The following RANBP17 variants were observed in gnomAD, a reference collection of about 807,000 sequenced individuals.
The protein encoded by RANBP17 is RAN binding protein 17.
A neutral mutation model predicts 141.2 loss-of-function variants in RANBP17; 158 were observed. The ratio of observed to expected loss-of-function variants is 1.12; its 90% CI spans 0.98 to 1.28. RANBP17 has a LOEUF of 1.28. RANBP17 is among the 50% of genes most tolerant of loss of function. The pLI is 0.00. For synonymous variants in RANBP17, 430 were observed against 450.0 expected, an observed-to-expected ratio of 0.96 and a Z score of 0.56; for missense variants, 1,438 against 1,290.7, an observed-to-expected ratio of 1.11 and a Z score of -1.75.
At chr5:171,014,243 A>G (rs1380574046) in intron 14 of RANBP17, among the ~76,000 whole-genome samples, 1 of 151,900 alleles carries the variant, frequency 6.6e-6, no homozygotes, top group African/African-American at 2.4e-5. Context: ...TAGGCAGCAT[A>G]TGATTCAGCC....
intron 22 of RANBP17, among the ~76,000 whole-genome samples, chr5:171,234,331 C>T (rs1764399401): frequency 6.6e-6 from 1 of 152,088 alleles, no homozygotes; most frequent in South Asian, 2.1e-4. Context: ...AGAGTAGTAA[C>T]AAGAACAGTA....
In RANBP17 at chr5:171,241,130, C is replaced by T. The variant is rs1372254667; in HGVS notation, c.2625C>T (p.His875=). 6 of 1,611,958 alleles carry T rather than the reference C, an allele frequency of 3.7e-6. No individual in the cohort carries two copies. Among genetic ancestry groups the T allele is most frequent in the African/African-American group, 1.3e-5 (1 of 74,850 alleles). The change falls in exon 23 of 28, where the codon CAC becomes CAT. Residue 875 remains histidine (H), a synonymous_variant. Transcript: ENST00000523189. ...AFVKMLLSVS[H]SDLLQYRKLS... ...TCAAAATGCTGCTGTCAGTGTCCCA[C>T]AGTGACTTGCTAGTAAGCAATCATG...
At chr5:171,090,916 C>T (rs1786209686) in intron 14 of RANBP17, among the ~76,000 whole-genome samples, 1 of 152,172 alleles carries the variant, frequency 6.6e-6, no homozygotes, top group Admixed American at 6.5e-5. Context: ...TCTGGATGCC[C>T]AGGTAAAATT....
intron 18 of RANBP17, among the ~76,000 whole-genome samples, chr5:171,185,028 G>A (rs1044154722): frequency 1.6e-4 from 25 of 151,992 alleles, no homozygotes; most frequent in Non-Finnish European, 2.9e-5. Context: ...CAGGCATGGT[G>A]GCAAATACCT....
At chr5:171,129,064 GTC>G (rs1033225465) in intron 14 of RANBP17, among the ~76,000 whole-genome samples, 3 of 152,042 alleles carry the variant, frequency 2.0e-5, no homozygotes, top group South Asian at 2.1e-4. Context: ...ACTCTATCCT[GTC>G]TCTCTCCCCA....
At chr5:170,962,488 A>G (rs1357328673) in intron 13 of RANBP17, among the ~76,000 whole-genome samples, 3 of 152,248 alleles carry the variant, frequency 2.0e-5, no homozygotes, top group East Asian at 1.9e-4. Flanking sequence ...GGGAGATCCT[A>G]TGCAATGAAG....
At chr5:170,877,691 TAATGCTTTGAGATG>T (rs1768304070) in intron 1 of RANBP17, among the ~76,000 whole-genome samples, 1 of 152,214 alleles carries the variant, frequency 6.6e-6, no homozygotes, top group African/African-American at 2.4e-5. Context: ...CACTGACCTT[TAATGCTTTGAGATG>T]ACTAAATTCC....
intron 5 of RANBP17, 200 bp downstream of exon 5, chr5:170,896,315 G>T: frequency 1.8e-6 from 1 of 552,108 alleles, no homozygotes; most frequent in Non-Finnish European, 3.2e-6. Context: ...GAAGATATCT[G>T]CAATAGTACA....
chr5:171,109,013 C>T (rs1755038461), intron 14 of RANBP17, among the ~76,000 whole-genome samples: 1 of 152,174 alleles, frequency 6.6e-6, no homozygotes, highest in Non-Finnish European at 1.5e-5. Context: ...CAGGTATACA[C>T]ATCACTGGTA....
intron 14 of RANBP17, among the ~76,000 whole-genome samples, chr5:171,063,779 A>G (rs2127678450): frequency 6.6e-6 from 1 of 152,326 alleles, no homozygotes; most frequent in African/African-American, 2.4e-5. Flanking sequence ...GAGCCTACAG[A>G]GGCAGGCAGG....
chr5:170,912,541 G>A (rs1223767113), intron 7 of RANBP17, among the ~76,000 whole-genome samples: 1 of 151,898 alleles, frequency 6.6e-6, no homozygotes, highest in Non-Finnish European at 1.5e-5. Context: ...GAGATGTTGA[G>A]ATAATGCATC....
At chr5:170,990,907 G>A (rs1778464425) in intron 14 of RANBP17, among the ~76,000 whole-genome samples, 1 of 151,894 alleles carries the variant, frequency 6.6e-6, no homozygotes, top group African/African-American at 2.4e-5. Flanking sequence ...GCTCATTAAA[G>A]GCATTGTCGG....
At chr5:171,135,962 A>G (rs1400271672) in intron 14 of RANBP17, among the ~76,000 whole-genome samples, 2 of 152,234 alleles carry the variant, frequency 1.3e-5, no homozygotes, top group Non-Finnish European at 2.9e-5. Flanking sequence ...TGGGTGATAA[A>G]TCATGTCAAA....
At chr5:170,892,933 G>T (rs922801949) in intron 4 of RANBP17, among the ~76,000 whole-genome samples, 2 of 151,450 alleles carry the variant, frequency 1.3e-5, no homozygotes, top group African/African-American at 4.9e-5. Context: ...GCTTAGAGGG[G>T]TTAAATAATT....
At position 171,147,401 on chromosome 5, in the gene RANBP17, G is replaced by GTTT. The variant is rs33983934; in HGVS notation, c.1711-22717_1711-22715dup. ...TGTGTGGTTGTTTGTTTTTTTGTGT[G>GTTT]TTTTTTTTTTTTTTGGTTTTGTTTT... On this transcript the variant is annotated intron_variant, in intron 14 of 27. Coordinates refer to ENST00000523189, the MANE Select transcript of RANBP17 (RefSeq NM_022897.5). 1.0e-3 allele frequency among the ~76,000 whole-genome samples: 109 copies of GTTT among 103,958 alleles called. 3 individuals carry two copies. Among genetic ancestry groups the GTTT allele is most frequent in the African/African-American group, 3.6e-3 (99 of 27,592 alleles). 68.2% of individuals were successfully genotyped at this position (103,958 alleles called of 152,430 possible).
At position 170,916,158 on chromosome 5, in the gene RANBP17, G is replaced by T. The variant is rs1175435358; in HGVS notation, c.835-307G>T. Among the ~76,000 whole-genome samples, 22 of 100,984 alleles carry T rather than the reference G, an allele frequency of 2.2e-4. 1 individual carries two copies. The highest frequency in any genetic ancestry group is 6.8e-4 in the East Asian group (2 of 2,956). 66.2% of individuals were successfully genotyped at this position (100,984 alleles called of 152,430 possible). A position where few individuals can be genotyped will look rare whatever the true frequency, so the allele number is the denominator to read the frequency against. On this transcript the variant is annotated intron_variant, in intron 8 of 27. Transcript: ENST00000523189. The stretch of plus-strand genomic sequence containing the variant: ...GTTATATTCTATATTGCATTATAAT[G>T]CGTTATATTCTATATTGCATTATAA...
At chr5:171,059,645 G>A (rs866292003) in intron 14 of RANBP17, among the ~76,000 whole-genome samples, 1,670 of 150,012 alleles carry the variant, frequency 0.011, no homozygotes, top group African/African-American at 0.021. Context: ...TTGGCAATGC[G>A]GGCTCTTTTT....
intron 21 of RANBP17, among the ~76,000 whole-genome samples, chr5:171,217,860 A>T (rs1350591417): frequency 2.0e-5 from 3 of 151,942 alleles, no homozygotes; most frequent in Non-Finnish European, 4.4e-5. Flanking sequence ...GGATTCATTG[A>T]TTTTTCAAAG....
intron 16 of RANBP17, among the ~76,000 whole-genome samples, chr5:171,181,274 C>A (rs1760841403): frequency 6.6e-6 from 1 of 152,078 alleles, no homozygotes. Context: ...CGTAGTGAAA[C>A]CCCATCCCTA....
Sources: gnomAD v4.1 joint callset for allele counts (sites outside exome capture counted in the v4.1 genomes callset) on GRCh38, gnomAD v4.1.1 for gene constraint, MANE v1.5 for transcripts, NCBI Gene and HGNC (gene_info 2026-07-23, HGNC 2026-07-21) for gene names.